The following SIDT1 variants were observed in gnomAD, a reference collection of about 807,000 sequenced individuals.
SIDT1 encodes SID1 transmembrane family, member 1.
SIDT1 carries 101 observed loss-of-function variants against 107.5 expected under a neutral mutation model. The ratio of observed to expected loss-of-function variants is 0.94; its 90% CI spans 0.80 to 1.11. The LOEUF is 1.11. SIDT1 is among the 50% of genes least tolerant of loss of function. The pLI is 0.00. For synonymous variants in SIDT1, 395 were observed against 398.2 expected, an observed-to-expected ratio of 0.99 and a Z score of 0.10; for missense variants, 1,076 against 1,058.2, an observed-to-expected ratio of 1.02 and a Z score of -0.23.
intron 20 of SIDT1, among the ~76,000 whole-genome samples, chr3:113,618,004 A>G (rs189171598): frequency 7.2e-5 from 11 of 152,212 alleles, no homozygotes; most frequent in Non-Finnish European, 1.5e-4. Context: ...TTTAACAAGC[A>G]TGTTGACATG....
chr3:113,610,200 A>G (rs1458944587), intron 17 of SIDT1, among the ~76,000 whole-genome samples: 1 of 152,254 alleles, frequency 6.6e-6, no homozygotes, highest in African/African-American at 2.4e-5. Context: ...ATAACACTGC[A>G]GTGATCATCC....
intron 14 of SIDT1, 76 bp from the exon 15 acceptor site, chr3:113,606,965 C>T: frequency 1.1e-6 from 1 of 910,676 alleles, no homozygotes; most frequent in East Asian, 2.4e-5. Context: ...TGAGCCCTGT[C>T]TGCTCTTTGT....
Position 113,603,021 on chromosome 3 carries a change from T to C in SIDT1, c.1134T>C (p.Ser378=). Residue 378 remains serine (S), a synonymous_variant, in exon 12 of 25, where the codon AGT becomes AGC. Transcript: ENST00000264852. ...NYGTIDESSS[S]PGRQMSSSDG... ...CTGTTTCAGATGAGTCAAGCTCCAG[T>C]CCTGGAAGGCAGATGTCCTCCTCCG... is the stretch of plus-strand genomic sequence containing the variant. 6.2e-7 allele frequency: 1 copy of C among 1,614,014 alleles called. No individual in the cohort carries two copies. Among genetic ancestry groups the C allele is most frequent in the Non-Finnish European group, 8.5e-7 (1 of 1,179,954 alleles).
chr3:113,606,023 A>G (rs1363276533), intron 14 of SIDT1, among the ~76,000 whole-genome samples: 1 of 103,954 alleles, frequency 9.6e-6, no homozygotes, highest in Non-Finnish European at 2.1e-5. Context: ...AAAAAGGAAA[A>G]AAAAGAAAAA....
chr3:113,562,952 T>C (rs1293026952), intron 1 of SIDT1, among the ~76,000 whole-genome samples: 2 of 152,164 alleles, frequency 1.3e-5, no homozygotes, highest in African/African-American at 4.8e-5. Flanking sequence ...AGAGATACCA[T>C]ATAGAGGTAA....
At chr3:113,537,033 T>C (rs1446840544) in intron 1 of SIDT1, among the ~76,000 whole-genome samples, 1 of 152,224 alleles carries the variant, frequency 6.6e-6, no homozygotes, top group Non-Finnish European at 1.5e-5. Flanking sequence ...GAGAATACTC[T>C]TGTAGAGACA....
chr3:113,575,789 G>C (rs1468226300), intron 3 of SIDT1, among the ~76,000 whole-genome samples: 1 of 152,066 alleles, frequency 6.6e-6, no homozygotes, highest in Non-Finnish European at 1.5e-5. Context: ...TTTAAAACAG[G>C]TATTTAATTT....
chr3:113,555,555 T>C (rs933088444), intron 1 of SIDT1, among the ~76,000 whole-genome samples: 1 of 152,198 alleles, frequency 6.6e-6, no homozygotes, highest in Admixed American at 6.5e-5. Flanking sequence ...TTTTATTGAA[T>C]TGAATATTTT....
intron 23 of SIDT1, among the ~76,000 whole-genome samples, 166 bp downstream of exon 23, chr3:113,623,899 G>A (rs1946658678): frequency 6.6e-6 from 1 of 152,180 alleles, no homozygotes; most frequent in Non-Finnish European, 1.5e-5. Context: ...AACTGCATGC[G>A]TTATCATTCT....
rs1560062195 is a variant in SIDT1 at position 113,576,915 on chromosome 3, T to C, written c.516-7T>C. 6 of 1,613,992 alleles carry C rather than the reference T, an allele frequency of 3.7e-6. No individual in the cohort carries two copies. The highest frequency in any genetic ancestry group is 5.1e-6 in the Non-Finnish European group (6 of 1,179,950). On this transcript the variant is annotated splice_polypyrimidine_tract_variant and splice_region_variant and intron_variant, in intron 3 of 24. Coordinates refer to ENST00000264852, the MANE Select transcript of SIDT1 (RefSeq NM_017699.3). ...CCCCTTTCCCTTCTGCCACTTACGT[T>C]TCTCAGGACAAATGTTGCCTTTCAC...
At chr3:113,612,280 G>A in intron 19 of SIDT1, 86 bp downstream of exon 19, 1 of 939,468 alleles carries the variant, frequency 1.1e-6, no homozygotes, top group East Asian at 2.5e-5. Flanking sequence ...CTGAATGAAA[G>A]TGTCACTGGT....
chr3:113,533,566 G>A (rs1937727513), intron 1 of SIDT1, among the ~76,000 whole-genome samples: 1 of 152,222 alleles, frequency 6.6e-6, no homozygotes, highest in South Asian at 2.1e-4. Context: ...CTAGGGTTGC[G>A]GGGTGTGGTG....
intron 15 of SIDT1, among the ~76,000 whole-genome samples, chr3:113,607,706 G>A (rs2107701618): frequency 6.6e-6 from 1 of 152,348 alleles, no homozygotes; most frequent in Non-Finnish European, 1.5e-5. Flanking sequence ...TTCACAATTA[G>A]AGAGCTGAAC....
At chr3:113,563,826 C>T (rs1229396163) in intron 1 of SIDT1, among the ~76,000 whole-genome samples, 3 of 152,156 alleles carry the variant, frequency 2.0e-5, no homozygotes, top group Admixed American at 6.5e-5. Context: ...TTAATTTTAT[C>T]AAGTGGCATA....
At chr3:113,629,803 C>G (rs918825974), downstream of SIDT1, among the ~76,000 whole-genome samples, 4 of 152,220 alleles carry the variant, frequency 2.6e-5, no homozygotes, top group Admixed American at 6.5e-5. Flanking sequence ...GAAGCCTTCA[C>G]TGTTTTCTGA....
At position 113,582,693 on chromosome 3, in the gene SIDT1, G is replaced by A. The variant is rs116168426; in HGVS notation, c.748-716G>A. On this transcript the variant is annotated intron_variant, in intron 6 of 24. Transcript: ENST00000264852. ...AGAGGTTGCAATGAGCCGAGATCAC[G>A]CCACCACACTCCAGCCTGGGCGACA... Among the ~76,000 whole-genome samples, 488 of 151,994 alleles carry A rather than the reference G, an allele frequency of 3.2e-3. 1 individual carries two copies. Among genetic ancestry groups the A allele is most frequent in the African/African-American group, 0.011 (460 of 41,428 alleles).
rs1937624088 is a variant in SIDT1, at chr3:113,532,932, T to A, written c.-90T>A. The A allele has an allele frequency of 2.2e-6, 2 of 908,656 alleles. No individual in the cohort carries two copies. Among genetic ancestry groups the A allele is most frequent in the Non-Finnish European group, 3.0e-6 (2 of 673,654 alleles). 56.3% of individuals were successfully genotyped at this position (908,656 alleles called of 1,614,324 possible). A position where few individuals can be genotyped will look rare whatever the true frequency, so the allele number is the denominator to read the frequency against. On this transcript the variant is annotated 5_prime_UTR_variant, in exon 1 of 25. Coordinates refer to ENST00000264852, the MANE Select transcript of SIDT1 (RefSeq NM_017699.3). Reference sequence around the variant, plus strand: ...CCCGCTCGGCTCTGAAGCGGACGCCTGGCCCTGCACCGGGCTTTGGAAGGA... The same window carrying A: ...CCCGCTCGGCTCTGAAGCGGACGCCAGGCCCTGCACCGGGCTTTGGAAGGA...
intron 17 of SIDT1, 125 bp downstream of exon 17, chr3:113,608,661 G>A: frequency 1.4e-6 from 1 of 724,704 alleles, no homozygotes; most frequent in Non-Finnish European, 2.5e-6. Flanking sequence ...GAAGAGATCA[G>A]AGAGGACCTC....
intron 1 of SIDT1, among the ~76,000 whole-genome samples, chr3:113,538,227 C>T (rs562445708): frequency 1.3e-5 from 2 of 152,316 alleles, no homozygotes; most frequent in Admixed American, 6.5e-5. Flanking sequence ...ACATTCAATC[C>T]GTAGCAATCA....
Sources: gnomAD v4.1 joint callset for allele counts (sites outside exome capture counted in the v4.1 genomes callset) on GRCh38, gnomAD v4.1.1 for gene constraint, MANE v1.5 for transcripts, NCBI Gene and HGNC (gene_info 2026-07-23, HGNC 2026-07-21) for gene names.